ACAN: variants seen among roughly 807,000 people sequenced by gnomAD.
ACAN encodes the protein aggrecan.
In ACAN, 47 loss-of-function variants were observed where a neutral mutation model predicts 169.1. The ratio of observed to expected loss-of-function variants is 0.28; its 90% CI spans 0.22 to 0.35. The LOEUF is 0.35. Ranked by LOEUF, ACAN falls within the 10% of genes least tolerant of loss-of-function variation. ACAN has a pLI of 1.00. For missense variants in ACAN, 2,716 were observed against 2,759.9 expected (o/e 0.98, Z 0.36); for synonymous variants, 1,115 against 1,112.2 (o/e 1.00, Z -0.05).
intron 1 of ACAN, among the ~76,000 whole-genome samples, chr15:88,806,729 C>A (rs1456593119): frequency 6.6e-6 from 1 of 152,148 alleles, no homozygotes; most frequent in Non-Finnish European, 1.5e-5. Context: ...AGGACCTCAG[C>A]TGAGCCAAAG....
At chr15:88,809,032 C>T (rs1007045294) in intron 1 of ACAN, among the ~76,000 whole-genome samples, 1 of 152,124 alleles carries the variant, frequency 6.6e-6, no homozygotes, top group African/African-American at 2.4e-5. Context: ...TTTCTGTTTC[C>T]GTGAGATGGA....
chr15:88,838,768 C>A lies in ACAN; in HGVS notation c.176C>A (p.Pro59His). 1 of 1,614,044 alleles carries A rather than the reference C, an allele frequency of 6.2e-7. No homozygotes were observed. The highest frequency in any genetic ancestry group is 8.5e-7 in the Non-Finnish European group (1 of 1,179,884). Residue 59 changes from proline to histidine, a missense_variant, in exon 3 of 19, where the codon CCT (proline) becomes CAT (histidine). Physicochemically the swap from Pro to His is moderately conservative, Grantham distance 77 (BLOSUM62 -2). Coordinates refer to ENST00000560601, the MANE Select transcript of ACAN (RefSeq NM_001369268.1). This position sits in a 1 kb window ranked among gnomAD's most constrained non-coding sequence, Gnocchi z 5.1. Reference sequence around the variant, plus strand: ...TGCTATTTCATCGACCCCATGCACCCTGTGACCACCGCCCCTTCTACCGCC... The same window carrying A: ...TGCTATTTCATCGACCCCATGCACCATGTGACCACCGCCCCTTCTACCGCC... ...IPCYFIDPMH[P>H]VTTAPSTAPL...
chr15:88,839,946 G>A lies in ACAN; in HGVS notation c.455-66G>A. On this transcript the variant is annotated intron_variant, in intron 3 of 18. Transcript: ENST00000560601. This position sits in a 1 kb window ranked among gnomAD's most constrained non-coding sequence, Gnocchi z 4.5. ...TTGACTATTGCCATAATTCTGCGAG[G>A]GCCTCGGTGATCAGAGACTGTGCCT... The A allele has an allele frequency of 9.8e-6, 15 of 1,537,730 alleles. No individual in the cohort carries two copies. The highest frequency in any genetic ancestry group is 1.3e-5 in the Non-Finnish European group (15 of 1,134,790).
In ACAN at chr15:88,872,932, G is replaced by C; in HGVS notation, c.7354G>C (p.Glu2452Gln). ...GCCTGACAACTTTTTTGCCGCTGGA[G>C]AGGACTGTGTGGTGATGATCTGGCA... ...NQPDNFFAAG[E>Q]DCVVMIWHEK... Residue 2452 changes from glutamate (E) to glutamine (Q), a missense_variant, in exon 17 of 19, where the codon GAG becomes CAG. Glu to Gln is a conservative substitution (Grantham distance 29). Around this residue, in one of 3 missense-constraint regions of ACAN, gnomAD observed 1,389 missense variants for 1,363.7 expected, o/e 1.02. Transcript: ENST00000560601. This position sits in a 1 kb window ranked among gnomAD's most constrained non-coding sequence, Gnocchi z 5.4. 6.2e-7 allele frequency: 1 copy of C among 1,613,932 alleles called. No homozygotes were observed. The highest frequency in any genetic ancestry group is 8.5e-7 in the Non-Finnish European group (1 of 1,179,920).
At position 88,858,567 on chromosome 15, in the gene ACAN, C is replaced by G; in HGVS notation, c.5982C>G (p.Pro1994=). Reference sequence around the variant, plus strand: ...GGCTGCAGTCCGGGCTGATAGAGCCCAGCGGAGAGCCACCAGGTACTCCAT... The same window carrying G: ...GGCTGCAGTCCGGGCTGATAGAGCCGAGCGGAGAGCCACCAGGTACTCCAT... ...LSGLQSGLIE[P]SGEPPGTPYF... is the part of the protein sequence containing the mutation. Residue 1994 remains proline, a synonymous_variant, in exon 12 of 19, where the codon CCC becomes CCG. Coordinates refer to ENST00000560601, the MANE Select transcript of ACAN (RefSeq NM_001369268.1). This position sits in a 1 kb window ranked among gnomAD's most constrained non-coding sequence, Gnocchi z 4.0. 6.2e-7 allele frequency: 1 copy of G among 1,613,848 alleles called. No homozygotes were observed.
At position 88,847,168 on chromosome 15, in the gene ACAN, C is replaced by G. The variant is rs561850295; in HGVS notation, c.1430-75C>G. On this transcript the variant is annotated intron_variant, in intron 7 of 18. Transcript: ENST00000560601. The stretch of plus-strand genomic sequence containing the variant: ...ATGTCAGGCAGCAGGAGTTGGCCCC[C>G]CTCTGTGCCCATGGAGCCTTGGAAG... 38 of 1,412,740 alleles carry G rather than the reference C, an allele frequency of 2.7e-5. 1 individual carries two copies. The highest frequency in any genetic ancestry group is 1.7e-4 in the Admixed American group (7 of 42,356). The allele number at this position is 1,412,740 out of a possible 1,614,324, so 87.5% of individuals were successfully genotyped here.
intron 7 of ACAN, among the ~76,000 whole-genome samples, chr15:88,846,142 T>G (rs926224241): frequency 1.3e-5 from 2 of 152,214 alleles, no homozygotes; most frequent in Non-Finnish European, 2.9e-5. Flanking sequence ...CAGGCACATG[T>G]GCCACATAGT....
rs1897311812 is a variant in ACAN at position 88,868,229 on chromosome 15, C to T, written c.6960C>T (p.Cys2320=). Residue 2320 remains cysteine (C), a synonymous_variant, in exon 14 of 19, where the codon TGC becomes TGT. Coordinates refer to ENST00000560601, the MANE Select transcript of ACAN (RefSeq NM_001369268.1). This position sits in a 1 kb window ranked among gnomAD's most constrained non-coding sequence, Gnocchi z 5.2. The part of the protein sequence containing the change: ...GEHCNIDIDE[C]LSSPCLNGAT... ...GGTTTCTTGCAGACATTGATGAGTG[C>T]CTCTCAAGCCCTTGTCTGAATGGAG... 1 of 702,478 alleles carries T rather than the reference C, an allele frequency of 1.4e-6. No individual in the cohort carries two copies. The highest frequency in any genetic ancestry group is 1.7e-5 in the African/African-American group (1 of 57,264). 43.5% of individuals were successfully genotyped at this position (702,478 alleles called of 1,614,324 possible).
chr15:88,810,808 G>A (rs1039300209), intron 1 of ACAN, among the ~76,000 whole-genome samples: 4 of 152,134 alleles, frequency 2.6e-5, no homozygotes, highest in Admixed American at 6.5e-5. Flanking sequence ...GCTTGGAGGC[G>A]GGGAATCTGT....
In ACAN at chr15:88,814,348, AT is replaced by A. The variant is rs1416878665; in HGVS notation, c.-8+10544del. Among the ~76,000 whole-genome samples, 2 of 152,306 alleles carry A rather than the reference AT, an allele frequency of 1.3e-5. No individual in the cohort carries two copies. Among genetic ancestry groups the A allele is most frequent in the East Asian group, 3.9e-4 (2 of 5,186 alleles). ...CCGTTCCTGGTATCTCTGAACCTGA[AT>A]TTTTGGATGATCATGACTGCCTCCT... On this transcript the variant is annotated intron_variant, in intron 1 of 18. Coordinates refer to ENST00000560601, the MANE Select transcript of ACAN (RefSeq NM_001369268.1). The surrounding 1 kb of genome is among the most constrained non-coding windows in gnomAD (Gnocchi z 4.0).
rs144594418 is a variant in ACAN at position 88,832,461 on chromosome 15, A to C, written c.-7-3739A>C. On this transcript the variant is annotated intron_variant, in intron 1 of 18. Transcript: ENST00000560601. ...CATGTCTCTACCAAAAAATACAAAA[A>C]TTAGCCAGGTATGGTGGCACACACC... Among the ~76,000 whole-genome samples the C allele has an allele frequency of 1.6e-4, 24 of 152,146 alleles. No homozygotes were observed. The East Asian group carries it at 4.6e-3, about 29-fold the overall frequency.
chr15:88,812,147 A>G (rs11636219), intron 1 of ACAN, among the ~76,000 whole-genome samples: 33,754 of 152,060 alleles, frequency 0.22, 4,895 homozygotes, highest in African/African-American at 0.41. Flanking sequence ...GGCCTCCTGC[A>G]GCCCCATCTA....
At position 88,839,162 on chromosome 15, in the gene ACAN, C is replaced by T. The variant is rs939572782; in HGVS notation, c.454+116C>T. The T allele has an allele frequency of 1.5e-6, 2 of 1,343,956 alleles. No homozygotes were observed. The highest frequency in any genetic ancestry group is 4.1e-5 in the Admixed American group (2 of 48,862). The allele number at this position is 1,343,956 out of a possible 1,614,324, so 83.3% of individuals were successfully genotyped here. ...AAACCAGCTCCTCCACGCACCTCAG[C>T]CAAGTTACTTAACTTCAGCTGCTTC... On this transcript the variant is annotated intron_variant, in intron 3 of 18. Transcript: ENST00000560601. This position sits in a 1 kb window ranked among gnomAD's most constrained non-coding sequence, Gnocchi z 4.5.
intron 8 of ACAN, 81 bp from the exon 9 acceptor site, chr15:88,847,830 G>C (rs1896832508): frequency 6.7e-7 from 1 of 1,494,900 alleles, no homozygotes; most frequent in Non-Finnish European, 9.0e-7. Context: ...TCCCTGAGTA[G>C]CCTCTGGCCT....
Position 88,869,181 on chromosome 15 carries a change from C to G in ACAN, c.7060+852C>G, listed in dbSNP as rs1362610043. Among the ~76,000 whole-genome samples, 1 of 152,200 alleles carries G rather than the reference C, an allele frequency of 6.6e-6. No individual in the cohort carries two copies. Among genetic ancestry groups the G allele is most frequent in the Non-Finnish European group, 1.5e-5 (1 of 68,046 alleles). ...CGCCTGGATCTCGGGGATTTCCCAG[C>G]TCAGAAAAGGGGAGATGAGACCTTT... On this transcript the variant is annotated intron_variant, in intron 14 of 18. Transcript: ENST00000560601. The surrounding 1 kb of genome is among the most constrained non-coding windows in gnomAD (Gnocchi z 4.2).
chr15:88,846,775 A>C (rs1453612471), intron 7 of ACAN, among the ~76,000 whole-genome samples: 1 of 152,234 alleles, frequency 6.6e-6, no homozygotes, highest in Non-Finnish European at 1.5e-5. Context: ...GAGACTCTGC[A>C]GATTTTGGTA....
rs75286093 is a variant in ACAN at position 88,867,078 on chromosome 15, C to T, written c.6947-1138C>T. ...TTATCATGTTCCCAGGGGAGGAAAC[C>T]AAGTTGGGGGATAAAACAGCAGGAA... On this transcript the variant is annotated intron_variant, in intron 13 of 18. Transcript: ENST00000560601. Among the ~76,000 whole-genome samples the T allele has an allele frequency of 4.4e-3, 666 of 152,246 alleles. 7 individuals carry two copies. The highest frequency in any genetic ancestry group is 0.015 in the African/African-American group (636 of 41,556).
At chr15:88,810,871 T>C (rs1377780225) in intron 1 of ACAN, among the ~76,000 whole-genome samples, 2 of 152,198 alleles carry the variant, frequency 1.3e-5, no homozygotes, top group African/African-American at 4.8e-5. Context: ...TGTCAACTCC[T>C]AGTTTAAAGC....
chr15:88,848,167 G>GC, intron 9 of ACAN, 129 bp downstream of exon 9: 3 of 1,371,468 alleles, frequency 2.2e-6, no homozygotes, highest in Non-Finnish European at 3.0e-6. Context: ...TTTCCAGGTG[G>GC]GAAAGGGTCC....
Sources: allele counts gnomAD v4.1 joint callset (sites outside exome capture counted in the v4.1 genomes callset), GRCh38; gene constraint gnomAD v4.1.1; regional missense constraint gnomAD v4.1.1; non-coding constraint Gnocchi (gnomAD v3.1); transcripts MANE v1.5; gene names NCBI Gene and HGNC (gene_info 2026-07-23, HGNC 2026-07-21).